Variants in SCD5 observed in about 807,000 individuals in gnomAD.
SCD5 encodes stearoyl-CoA desaturase 5.
SCD5 carries 20 observed loss-of-function variants against 30.4 expected under a neutral mutation model. The observed-to-expected ratio is 0.66, with a 90% CI of 0.46 to 0.96. The LOEUF (loss-of-function observed/expected upper bound fraction) is 0.96, where lower values mean the gene tolerates loss of function less well. Among genes scored for constraint, SCD5 ranks in the 40% least tolerant of loss-of-function variants. The pLI is 0.00. For missense variants in SCD5, 381 were observed against 443.3 expected, an observed-to-expected ratio of 0.86 and a Z score of 1.26; for synonymous variants, 173 against 176.4, an observed-to-expected ratio of 0.98 and a Z score of 0.16.
chr4:82,791,508 T>C (rs778986528), intron 1 of SCD5, among the ~76,000 whole-genome samples: 3 of 151,974 alleles, frequency 2.0e-5, no homozygotes, highest in Non-Finnish European at 4.4e-5. Context: ...TGTCTCGCTC[T>C]CCAAAGGAGG....
At chr4:82,747,069 G>GCCCCCCCCCCCCCCCCCC (rs151046123) in intron 1 of SCD5, among the ~76,000 whole-genome samples, 10 of 139,774 alleles carry the variant, frequency 7.2e-5, no homozygotes, top group South Asian at 2.5e-4. Context: ...TGGGCAACCT[G>GCCCCCCCCCCCCCCCCCC]CCCCCCAAGA....
At chr4:82,653,711 G>GATAGATAGATAGATAGATAGATAGAT (rs1553914419) in intron 3 of SCD5, among the ~76,000 whole-genome samples, 1 of 147,418 alleles carries the variant, frequency 6.8e-6, no homozygotes, top group Admixed American at 6.8e-5. Flanking sequence ...GATAGATATA[G>GATAGATAGATAGATAGATAGATAGAT]ATAGATAGAT....
At chr4:82,645,575 C>T (rs921838474) in intron 3 of SCD5, among the ~76,000 whole-genome samples, 2 of 152,174 alleles carry the variant, frequency 1.3e-5, no homozygotes, top group African/African-American at 2.4e-5. Flanking sequence ...CCACCCCTCT[C>T]AAATTCTCAT....
chr4:82,726,979 G>A (rs1578040301), intron 1 of SCD5, among the ~76,000 whole-genome samples: 1 of 152,242 alleles, frequency 6.6e-6, no homozygotes, highest in Non-Finnish European at 1.5e-5. Context: ...ATCCTGCAGA[G>A]TGGGGGCTGT....
intron 1 of SCD5, among the ~76,000 whole-genome samples, chr4:82,773,943 GC>G (rs1721683285): frequency 6.6e-6 from 1 of 152,008 alleles, no homozygotes; most frequent in Non-Finnish European, 1.5e-5. Context: ...ACAAAAATTA[GC>G]CTGGCATGGT....
At chr4:82,633,190 C>CTAGGA (rs112981741) in intron 4 of SCD5, among the ~76,000 whole-genome samples, 39,638 of 151,814 alleles carry the variant, frequency 0.26, 6,107 homozygotes, top group African/African-American at 0.43. Flanking sequence ...TGCTCTACTT[C>CTAGGA]GTTCAACTTT....
intron 1 of SCD5, among the ~76,000 whole-genome samples, chr4:82,752,084 A>T (rs1281925657): frequency 6.6e-6 from 1 of 152,156 alleles, no homozygotes; most frequent in Non-Finnish European, 1.5e-5. Context: ...AAAGCAAAAG[A>T]AATCCCCATA....
At chr4:82,703,721 G>C (rs1336225575) in intron 2 of SCD5, among the ~76,000 whole-genome samples, 1 of 152,130 alleles carries the variant, frequency 6.6e-6, no homozygotes, top group Non-Finnish European at 1.5e-5. Context: ...TCAGCTACAA[G>C]TTATTTATCT....
In SCD5 at chr4:82,645,335, A is replaced by G. The variant is rs548283293; in HGVS notation, c.570-8512T>C. 4.0e-4 allele frequency among the ~76,000 whole-genome samples: 60 copies of G among 151,156 alleles called. 1 individual carries two copies. The highest frequency in any genetic ancestry group is 2.1e-3 in the South Asian group (10 of 4,784). On this transcript the variant is annotated intron_variant, in intron 3 of 4. Coordinates refer to ENST00000319540, the MANE Select transcript of SCD5 (RefSeq NM_001037582.3). Reference sequence around the variant, plus strand: ...TCAAGAAAAAAAAAAAAGGCAAAAGAAAGAGGAAGAACTAGAGGGAAGGGG... The same window carrying G: ...TCAAGAAAAAAAAAAAAGGCAAAAGGAAGAGGAAGAACTAGAGGGAAGGGG...
intron 1 of SCD5, among the ~76,000 whole-genome samples, chr4:82,726,605 G>A (rs559700925): frequency 2.2e-4 from 33 of 150,722 alleles, no homozygotes; most frequent in African/African-American, 7.1e-4. Flanking sequence ...TATAATACAC[G>A]TTGCAATCTA....
chr4:82,747,213 C>G (rs1721015289), intron 1 of SCD5, among the ~76,000 whole-genome samples: 1 of 152,174 alleles, frequency 6.6e-6, no homozygotes, highest in Admixed American at 6.5e-5. Flanking sequence ...GTATATTGAG[C>G]ACCTACTATG....
chr4:82,785,023 G>C (rs933168336), intron 1 of SCD5, among the ~76,000 whole-genome samples: 1 of 152,196 alleles, frequency 6.6e-6, no homozygotes, highest in Non-Finnish European at 1.5e-5. Flanking sequence ...GGGAATATTA[G>C]CTCTAATAGC....
At chr4:82,644,367 CA>C (rs1727599799) in intron 3 of SCD5, among the ~76,000 whole-genome samples, 1 of 152,186 alleles carries the variant, frequency 6.6e-6, no homozygotes, top group African/African-American at 2.4e-5. Context: ...AAACTTTCTA[CA>C]ATGTAATCTC....
intron 1 of SCD5, among the ~76,000 whole-genome samples, chr4:82,769,375 T>C (rs1721567427): frequency 6.6e-6 from 1 of 152,176 alleles, no homozygotes; most frequent in Non-Finnish European, 1.5e-5. Flanking sequence ...AGTAGACTAT[T>C]AGGGGAAAAA....
At chr4:82,686,979 T>C (rs1046393144) in intron 2 of SCD5, among the ~76,000 whole-genome samples, 21 of 152,086 alleles carry the variant, frequency 1.4e-4, no homozygotes, top group African/African-American at 5.1e-4. Flanking sequence ...GAGACCAGCC[T>C]GGCCAATATG....
At chr4:82,668,504 C>T (rs75325076) in intron 3 of SCD5, among the ~76,000 whole-genome samples, 2,041 of 152,300 alleles carry the variant, frequency 0.013, 43 homozygotes, top group African/African-American at 0.047. Flanking sequence ...TCTTGAACAT[C>T]ACCTGACATA....
At chr4:82,712,318 T>A (rs1179059288) in intron 1 of SCD5, among the ~76,000 whole-genome samples, 3 of 83,964 alleles carry the variant, frequency 3.6e-5, no homozygotes, top group Admixed American at 2.2e-4. Context: ...TTTTATTTTT[T>A]TTTTTTGAGA....
At chr4:82,794,943 G>A (rs1180993957) in intron 1 of SCD5, among the ~76,000 whole-genome samples, 1 of 152,146 alleles carries the variant, frequency 6.6e-6, no homozygotes, top group African/African-American at 2.4e-5. Flanking sequence ...GAGCCACCAT[G>A]CCCGGCCGCT....
At chr4:82,677,805 C>T (rs562636281) in intron 3 of SCD5, among the ~76,000 whole-genome samples, 31 of 152,154 alleles carry the variant, frequency 2.0e-4, no homozygotes, top group Admixed American at 3.9e-4. Flanking sequence ...CCTCTATCTA[C>T]GTTTTACTAG....
Sources: allele counts gnomAD v4.1 joint callset (sites outside exome capture counted in the v4.1 genomes callset), GRCh38; gene constraint gnomAD v4.1.1; transcripts MANE v1.5; gene names NCBI Gene and HGNC (gene_info 2026-07-23, HGNC 2026-07-21).